TMEM170B: variants seen among roughly 807,000 people sequenced by gnomAD.
TMEM170B encodes the protein transmembrane protein 170B.
In TMEM170B, 6 loss-of-function variants were observed where a neutral mutation model predicts 13.0. The ratio of observed to expected loss-of-function variants is 0.46; its 90% confidence interval spans 0.25 to 0.91. TMEM170B has a LOEUF of 0.91. TMEM170B is among the 40% of genes least tolerant of loss of function. The pLI, the probability that TMEM170B is intolerant of heterozygous loss-of-function variation, is 0.17. For missense variants in TMEM170B, 138 were observed against 165.2 expected, an observed-to-expected ratio of 0.84 and a Z score of 0.90; for synonymous variants, 61 against 64.9, an observed-to-expected ratio of 0.94 and a Z score of 0.29.
At chr6:11,546,518 A>C (rs1459747642) in intron 1 of TMEM170B, among the ~76,000 whole-genome samples, 1 of 152,226 alleles carries the variant, frequency 6.6e-6, no homozygotes, top group Admixed American at 6.5e-5. Flanking sequence ...AGGCCTTCAC[A>C]TTCACTCACA....
intron 1 of TMEM170B, among the ~76,000 whole-genome samples, chr6:11,557,331 T>C (rs1361726992): frequency 6.6e-6 from 1 of 152,228 alleles, no homozygotes; most frequent in East Asian, 1.9e-4. Flanking sequence ...TAAGCATAGA[T>C]TTTAAATTCT....
chr6:11,575,698 C>A lies in TMEM170B; in HGVS notation c.*137C>A. 1 of 1,072,530 alleles carries A rather than the reference C, an allele frequency of 9.3e-7. No homozygotes were observed. The highest frequency in any genetic ancestry group is 1.4e-6 in the Non-Finnish European group (1 of 740,320). 66.4% of individuals were successfully genotyped at this position (1,072,530 alleles called of 1,614,324 possible). ...GTCAAAGCATAAGGAAGACCTTGAG[C>A]TGTGTGGAAGGATTGCCCTCTGGTG... On this transcript the variant is annotated 3_prime_UTR_variant, in exon 3 of 3. Transcript: ENST00000379426. The surrounding 1 kb of genome is among the most constrained non-coding windows in gnomAD (Gnocchi z 4.1).
chr6:11,537,793 G>T lies in TMEM170B; in HGVS notation c.-485G>T, dbSNP rs1357269077. On this transcript the variant is annotated 5_prime_UTR_variant, in exon 1 of 3. Coordinates refer to ENST00000379426, the MANE Select transcript of TMEM170B (RefSeq NM_001100829.3). ...GAGGGCGGGCAGGCGGGCGGCAGGT[G>T]CCGCCGCAGCCTCTGGCTGGTCCCG... Among the ~76,000 whole-genome samples, 1 of 151,572 alleles carries T rather than the reference G, an allele frequency of 6.6e-6. No individual in the cohort carries two copies. Among genetic ancestry groups the T allele is most frequent in the Non-Finnish European group, 1.5e-5 (1 of 67,750 alleles).
chr6:11,564,167 G>A (rs1393837629), intron 1 of TMEM170B, among the ~76,000 whole-genome samples: 1 of 152,120 alleles, frequency 6.6e-6, no homozygotes, highest in Non-Finnish European at 1.5e-5. Flanking sequence ...ATCACCTCTT[G>A]GCTATTGTGA....
intron 1 of TMEM170B, among the ~76,000 whole-genome samples, chr6:11,553,614 A>G (rs754738743): frequency 2.0e-5 from 3 of 152,162 alleles, no homozygotes; most frequent in Non-Finnish European, 4.4e-5. Flanking sequence ...ATCTAATGTA[A>G]ATAGTTTTCA....
chr6:11,567,590 G>A (rs1414548632), intron 2 of TMEM170B, among the ~76,000 whole-genome samples: 1 of 152,190 alleles, frequency 6.6e-6, no homozygotes, highest in African/African-American at 2.4e-5. Flanking sequence ...GAAATGGGGA[G>A]GAGTCTGTTT....
chr6:11,547,284 T>C (rs1221907431), intron 1 of TMEM170B, among the ~76,000 whole-genome samples: 1 of 152,208 alleles, frequency 6.6e-6, no homozygotes, highest in African/African-American at 2.4e-5. Context: ...CATACTGGTA[T>C]AGTCAGCACC....
chr6:11,549,105 G>T (rs563855071), intron 1 of TMEM170B, among the ~76,000 whole-genome samples: 3 of 152,162 alleles, frequency 2.0e-5, no homozygotes, highest in Non-Finnish European at 4.4e-5. Flanking sequence ...AGAGGTAAGA[G>T]GAGAGCCCAG....
intron 1 of TMEM170B, among the ~76,000 whole-genome samples, chr6:11,552,183 A>AT (rs1759534433): frequency 6.6e-6 from 1 of 152,170 alleles, no homozygotes; most frequent in Admixed American, 6.5e-5. Context: ...TTTTAAAATT[A>AT]TTTTTTGTGA....
At chr6:11,568,263 A>G (rs984777072) in intron 2 of TMEM170B, among the ~76,000 whole-genome samples, 1 of 152,202 alleles carries the variant, frequency 6.6e-6, no homozygotes, top group African/African-American at 2.4e-5. Context: ...TGTAAGAACC[A>G]TACAAAGGAC....
At chr6:11,546,098 A>G (rs1759436769) in intron 1 of TMEM170B, among the ~76,000 whole-genome samples, 1 of 150,354 alleles carries the variant, frequency 6.7e-6, no homozygotes, top group South Asian at 2.1e-4. Flanking sequence ...AGACGTTGTT[A>G]CCTTAGGAGA....
At chr6:11,561,569 T>A (rs1476658562) in intron 1 of TMEM170B, among the ~76,000 whole-genome samples, 1 of 152,134 alleles carries the variant, frequency 6.6e-6, no homozygotes, top group Non-Finnish European at 1.5e-5. Context: ...CCAGAGTTGA[T>A]CAAAATCTTT....
chr6:11,559,530 A>G (rs1273522341), intron 1 of TMEM170B, among the ~76,000 whole-genome samples: 1 of 152,182 alleles, frequency 6.6e-6, no homozygotes, highest in African/African-American at 2.4e-5. Flanking sequence ...ACCATTCACG[A>G]AGACTATACA....
At chr6:11,541,057 G>A (rs1759353888) in intron 1 of TMEM170B, among the ~76,000 whole-genome samples, 1 of 152,076 alleles carries the variant, frequency 6.6e-6, no homozygotes, top group Admixed American at 6.5e-5. Flanking sequence ...TGTCATCCAG[G>A]CTTTTTTGTT....
chr6:11,577,950 G>A lies in TMEM170B; in HGVS notation c.*2389G>A, dbSNP rs1187447975. 2 of 152,064 alleles carry A rather than the reference G, an allele frequency of 1.3e-5. No homozygotes were observed. Among genetic ancestry groups the A allele is most frequent in the African/African-American group, 4.8e-5 (2 of 41,428 alleles). The allele number at this position is 152,064 out of a possible 1,614,324, so 9.4% of individuals were successfully genotyped here. A position where few individuals can be genotyped will look rare whatever the true frequency, so the allele number is the denominator to read the frequency against. ...TTTGAGTTTGTGAATTGTCTTAATAGCTATTTATATGCTGAAATTTTTAAA... is the reference window on the plus strand; with the variant it reads ...TTTGAGTTTGTGAATTGTCTTAATAACTATTTATATGCTGAAATTTTTAAA... On this transcript the variant is annotated 3_prime_UTR_variant, in exon 3 of 3. Transcript: ENST00000379426.
In TMEM170B at chr6:11,580,652, T is replaced by G. The variant is rs1156710121; in HGVS notation, c.*5091T>G. 6.6e-6 allele frequency: 1 copy of G among 152,208 alleles called. No individual in the cohort carries two copies. Among genetic ancestry groups the G allele is most frequent in the Non-Finnish European group, 1.5e-5 (1 of 68,042 alleles). The allele number at this position is 152,208 out of a possible 1,614,324, so 9.4% of individuals were successfully genotyped here. On this transcript the variant is annotated 3_prime_UTR_variant, in exon 3 of 3. Transcript: ENST00000379426. ...AATAATCAAATGGTTTTATAATCTT[T>G]CTTAACTTCCCGTCCTTGTTATAAC...
intron 2 of TMEM170B, among the ~76,000 whole-genome samples, chr6:11,566,471 G>T (rs1759733988): frequency 6.6e-6 from 1 of 152,144 alleles, no homozygotes. Context: ...TTATGGTTTT[G>T]TTATCAGCAG....
intron 1 of TMEM170B, among the ~76,000 whole-genome samples, chr6:11,544,478 A>C (rs1759404560): frequency 6.6e-6 from 1 of 152,248 alleles, no homozygotes; most frequent in Non-Finnish European, 1.5e-5. Context: ...TAATTTGTCC[A>C]GAAAATAAAA....
chr6:11,545,843 TAAAAA>T (rs11426753), intron 1 of TMEM170B, among the ~76,000 whole-genome samples: 1 of 145,572 alleles, frequency 6.9e-6, no homozygotes, highest in Non-Finnish European at 1.5e-5. Flanking sequence ...CTGTGTCTAC[TAAAAA>T]AAAAATACAA....
Sources: allele counts gnomAD v4.1 joint callset (sites outside exome capture counted in the v4.1 genomes callset), GRCh38; gene constraint gnomAD v4.1.1; non-coding constraint Gnocchi (gnomAD v3.1); transcripts MANE v1.5; gene names NCBI Gene and HGNC (gene_info 2026-07-23, HGNC 2026-07-21).